MRPS14: variants seen among roughly 807,000 people sequenced by gnomAD.
MRPS14 encodes the protein small ribosomal subunit protein uS14m.
A neutral mutation model predicts 16.4 loss-of-function variants in MRPS14; 14 were observed. The observed-to-expected ratio is 0.85, with a 90% CI of 0.56 to 1.33. The LOEUF is 1.33. Ranked by LOEUF, MRPS14 falls within the 40% of genes most tolerant of loss-of-function variation. MRPS14 has a pLI of 0.00. For missense variants in MRPS14, 162 were observed against 176.8 expected (o/e 0.92, Z 0.48); for synonymous variants, 54 against 61.9 (o/e 0.87, Z 0.60).
In MRPS14 at chr1:175,014,461, T is replaced by C. The variant is rs1672841908; in HGVS notation, c.*208A>G. 1 of 515,430 alleles carries C rather than the reference T, an allele frequency of 1.9e-6. No individual in the cohort carries two copies. Among genetic ancestry groups the C allele is most frequent in the Non-Finnish European group, 3.4e-6 (1 of 295,238 alleles). 31.9% of individuals were successfully genotyped at this position (515,430 alleles called of 1,614,324 possible). A position where few individuals can be genotyped will look rare whatever the true frequency, so the allele number is the denominator to read the frequency against. On this transcript the variant is annotated 3_prime_UTR_variant, in exon 3 of 3. Coordinates refer to ENST00000476371, the MANE Select transcript of MRPS14 (RefSeq NM_022100.3). ...TTGTACTATGTATGGGAACAGTATG[T>C]TTGTTAAGTCCAAGAGAAAAGATAA...
Position 175,014,625 on chromosome 1 carries a change from G to A in MRPS14, c.*44C>T. 1 of 1,553,540 alleles carries A rather than the reference G, an allele frequency of 6.4e-7. No homozygotes were observed. Among genetic ancestry groups the A allele is most frequent in the Middle Eastern group, 1.8e-4 (1 of 5,708 alleles). ...AAAAAAATCTTTGCTTGCTGGAACTGCAAGCTTGGCTTCCCTGCAAGCTCA... is the reference window on the plus strand; with the variant it reads ...AAAAAAATCTTTGCTTGCTGGAACTACAAGCTTGGCTTCCCTGCAAGCTCA... On this transcript the variant is annotated 3_prime_UTR_variant, in exon 3 of 3. Transcript: ENST00000476371.
Position 175,014,504 on chromosome 1 carries a change from C to A in MRPS14, c.*165G>T, listed in dbSNP as rs1402539339. 1.2e-5 allele frequency: 7 copies of A among 596,548 alleles called. No homozygotes were observed. The highest frequency in any genetic ancestry group is 1.9e-5 in the Non-Finnish European group (7 of 360,198). 37.0% of individuals were successfully genotyped at this position (596,548 alleles called of 1,614,324 possible). A position where few individuals can be genotyped will look rare whatever the true frequency, so the allele number is the denominator to read the frequency against. ...AAAGATAATTCACTGACATGAAACA[C>A]CCAAATGTCTTCATTTTAAAAGTAG... On this transcript the variant is annotated 3_prime_UTR_variant, in exon 3 of 3. Coordinates refer to ENST00000476371, the MANE Select transcript of MRPS14 (RefSeq NM_022100.3).
intron 1 of MRPS14, among the ~76,000 whole-genome samples, chr1:175,021,163 G>A (rs567983037): frequency 6.6e-6 from 1 of 152,166 alleles, no homozygotes; most frequent in East Asian, 1.9e-4. Flanking sequence ...CTTCCTTCCT[G>A]AAAGCTCCTG....
chr1:175,014,438 G>A lies in MRPS14; in HGVS notation c.*231C>T, dbSNP rs1349448786. The stretch of plus-strand genomic sequence containing the variant: ...GAAAATATTTATTATGCTACTCTTT[G>A]TACTATGTATGGGAACAGTATGTTT... On this transcript the variant is annotated 3_prime_UTR_variant, in exon 3 of 3. Coordinates refer to ENST00000476371, the MANE Select transcript of MRPS14 (RefSeq NM_022100.3). 2.2e-6 allele frequency: 1 copy of A among 452,050 alleles called. No individual in the cohort carries two copies. The highest frequency in any genetic ancestry group is 2.0e-5 in the African/African-American group (1 of 49,824). 28.0% of individuals were successfully genotyped at this position (452,050 alleles called of 1,614,324 possible). A position where few individuals can be genotyped will look rare whatever the true frequency, so the allele number is the denominator to read the frequency against.
Position 175,014,501 on chromosome 1 carries a change from A to G in MRPS14, c.*168T>C. Reference sequence around the variant, plus strand: ...AGAAAAGATAATTCACTGACATGAAACACCCAAATGTCTTCATTTTAAAAG... The same window carrying G: ...AGAAAAGATAATTCACTGACATGAAGCACCCAAATGTCTTCATTTTAAAAG... On this transcript the variant is annotated 3_prime_UTR_variant, in exon 3 of 3. Transcript: ENST00000476371. 2 of 577,456 alleles carry G rather than the reference A, an allele frequency of 3.5e-6. No homozygotes were observed. The highest frequency in any genetic ancestry group is 5.8e-6 in the Non-Finnish European group (2 of 345,468). 35.8% of individuals were successfully genotyped at this position (577,456 alleles called of 1,614,324 possible). A position where few individuals can be genotyped will look rare whatever the true frequency, so the allele number is the denominator to read the frequency against.
intron 1 of MRPS14, among the ~76,000 whole-genome samples, chr1:175,020,916 A>G (rs1672969260): frequency 6.6e-6 from 1 of 151,892 alleles, no homozygotes; most frequent in African/African-American, 2.4e-5. Flanking sequence ...TCCTGCCCCC[A>G]TCTCTCACCC....
chr1:175,015,136 A>AC (rs1005277525), intron 2 of MRPS14, among the ~76,000 whole-genome samples: 4 of 151,790 alleles, frequency 2.6e-5, no homozygotes, highest in African/African-American at 9.7e-5. Flanking sequence ...ATTAGTAGAA[A>AC]CGGGGTTTCA....
At chr1:175,019,400 G>A (rs1351912111) in intron 1 of MRPS14, among the ~76,000 whole-genome samples, 1 of 152,168 alleles carries the variant, frequency 6.6e-6, no homozygotes, top group Non-Finnish European at 1.5e-5. Context: ...TCATGCCTCA[G>A]CCTCCTGAGT....
intron 2 of MRPS14, among the ~76,000 whole-genome samples, chr1:175,016,947 T>C (rs991788566): frequency 6.6e-6 from 1 of 151,872 alleles, no homozygotes; most frequent in Non-Finnish European, 1.5e-5. Flanking sequence ...TCTCCTGATT[T>C]CCCCCTGCCC....
rs1015005532 is a variant in MRPS14 at position 175,014,188 on chromosome 1, A to C, written c.*481T>G. ...GAAGTGGAGCATTAGATAATCCAGA[A>C]CAGCAGCCTTGCTATCCAATCTGTT... On this transcript the variant is annotated 3_prime_UTR_variant, in exon 3 of 3. Coordinates refer to ENST00000476371, the MANE Select transcript of MRPS14 (RefSeq NM_022100.3). 1.7e-5 allele frequency: 3 copies of C among 178,182 alleles called. No individual in the cohort carries two copies. Among genetic ancestry groups the C allele is most frequent in the Non-Finnish European group, 3.5e-5 (3 of 85,736 alleles). The allele number at this position is 178,182 out of a possible 1,614,324, so 11.0% of individuals were successfully genotyped here. A position where few individuals can be genotyped will look rare whatever the true frequency, so the allele number is the denominator to read the frequency against.
Position 175,014,773 on chromosome 1 carries a change from A to G in MRPS14, c.283T>C (p.Ser95Pro). ...VRIRNRCVMT[S>P]RPRGVKRRWR... Reference sequence around the variant, plus strand: ...CGCCGCTTCACACCACGCGGACGGGACGTCATAACACACCGATTTCTGATT... The same window carrying G: ...CGCCGCTTCACACCACGCGGACGGGGCGTCATAACACACCGATTTCTGATT... Residue 95 changes from serine to proline, a missense_variant, in exon 3 of 3, where the codon TCC (serine) becomes CCC (proline). Physicochemically the swap from Ser to Pro is moderately conservative, Grantham distance 74. Transcript: ENST00000476371. 1 of 1,614,072 alleles carries G rather than the reference A, an allele frequency of 6.2e-7. No homozygotes were observed. Among genetic ancestry groups the G allele is most frequent in the Non-Finnish European group, 8.5e-7 (1 of 1,180,012 alleles).
At chr1:175,014,933 C>CTTTTTTTTTTTT (rs368085151) in intron 2 of MRPS14, 82 bp from the exon 3 acceptor site, 1 of 743,490 alleles carries the variant, frequency 1.3e-6, no homozygotes. Context: ...AGGTAATTTT[C>CTTTTTTTTTTTT]TTTTCTTTTT....
In MRPS14 at chr1:175,013,765, G is replaced by A. The variant is rs1448774415; in HGVS notation, c.*904C>T. 1 of 152,172 alleles carries A rather than the reference G, an allele frequency of 6.6e-6. No individual in the cohort carries two copies. The allele number at this position is 152,172 out of a possible 1,614,324, so 9.4% of individuals were successfully genotyped here. A position where few individuals can be genotyped will look rare whatever the true frequency, so the allele number is the denominator to read the frequency against. Reference sequence around the variant, plus strand: ...TGCTTCATATTTCTGATCTACTGAAGTGACTGTGGTTCTCTGATGCTACAG... The same window carrying A: ...TGCTTCATATTTCTGATCTACTGAAATGACTGTGGTTCTCTGATGCTACAG... On this transcript the variant is annotated 3_prime_UTR_variant, in exon 3 of 3. Transcript: ENST00000476371.
chr1:175,018,495 T>C lies in MRPS14; in HGVS notation c.127A>G (p.Met43Val), dbSNP rs1169850848. 6.2e-7 allele frequency: 1 copy of C among 1,612,892 alleles called. No individual in the cohort carries two copies. The highest frequency in any genetic ancestry group is 1.1e-5 in the South Asian group (1 of 90,862). Reference sequence around the variant, plus strand: ...CTCTCATCTGCGTATTCATAGGCCATTTTTCGTCTCTTCACATCGCGCCAC... The same window carrying C: ...CTCTCATCTGCGTATTCATAGGCCACTTTTCGTCTCTTCACATCGCGCCAC... ...RMWRDVKRRK[M>V]AYEYADERLR... is the part of the protein sequence containing the mutation. The change falls in exon 2 of 3, where the codon ATG becomes GTG. Residue 43 changes from methionine to valine, a missense_variant. By Grantham distance (21) the Met-to-Val change is conservative. Coordinates refer to ENST00000476371, the MANE Select transcript of MRPS14 (RefSeq NM_022100.3).
intron 2 of MRPS14, among the ~76,000 whole-genome samples, chr1:175,016,235 A>G (rs1672881005): frequency 6.6e-6 from 1 of 152,052 alleles, no homozygotes; most frequent in South Asian, 2.1e-4. Context: ...TGAGCCATTG[A>G]GTAGTAAACA....
At chr1:175,020,708 C>A (rs1672966083) in intron 1 of MRPS14, among the ~76,000 whole-genome samples, 1 of 152,146 alleles carries the variant, frequency 6.6e-6, no homozygotes, top group Non-Finnish European at 1.5e-5. Context: ...GTGGTTTCTC[C>A]ATGTTGGTCA....
In MRPS14 at chr1:175,014,606, A is replaced by C. The variant is rs1672845046; in HGVS notation, c.*63T>G. 1 of 1,527,960 alleles carries C rather than the reference A, an allele frequency of 6.5e-7. No individual in the cohort carries two copies. The highest frequency in any genetic ancestry group is 8.8e-7 in the Non-Finnish European group (1 of 1,137,530). The allele number at this position is 1,527,960 out of a possible 1,614,324, so 94.7% of individuals were successfully genotyped here. A position where few individuals can be genotyped will look rare whatever the true frequency, so the allele number is the denominator to read the frequency against. On this transcript the variant is annotated 3_prime_UTR_variant, in exon 3 of 3. Coordinates refer to ENST00000476371, the MANE Select transcript of MRPS14 (RefSeq NM_022100.3). ...ATTAGGGTTTGGTCTATTAAAAAAA[A>C]TCTTTGCTTGCTGGAACTGCAAGCT... is the stretch of plus-strand genomic sequence containing the variant.
Position 175,018,472 on chromosome 1 carries a change from C to T in MRPS14, c.150G>A (p.Glu50=). 1.2e-6 allele frequency: 2 copies of T among 1,612,564 alleles called. No homozygotes were observed. Among genetic ancestry groups the T allele is most frequent in the Non-Finnish European group, 1.7e-6 (2 of 1,179,688 alleles). ...RRKMAYEYAD[E]RLRINSLRKN... is the part of the protein sequence containing the mutation. ...TCCTGAGTGAATTAATACGTAGCCTCTCATCTGCGTATTCATAGGCCATTT... is the reference window on the plus strand; with the variant it reads ...TCCTGAGTGAATTAATACGTAGCCTTTCATCTGCGTATTCATAGGCCATTT... Residue 50 remains glutamate, a synonymous_variant, in exon 2 of 3, where the codon GAG becomes GAA. Transcript: ENST00000476371.
chr1:175,019,608 T>G (rs1242354106), intron 1 of MRPS14, among the ~76,000 whole-genome samples: 1 of 152,178 alleles, frequency 6.6e-6, no homozygotes, highest in Non-Finnish European at 1.5e-5. Flanking sequence ...GATAGATTAT[T>G]GGGAGCAAAA....
Sources: allele counts gnomAD v4.1 joint callset (sites outside exome capture counted in the v4.1 genomes callset), GRCh38; gene constraint gnomAD v4.1.1; transcripts MANE v1.5; gene names NCBI Gene and HGNC (gene_info 2026-07-23, HGNC 2026-07-21).